Variants in THEM5 observed in about 807,000 individuals in gnomAD.
The protein encoded by THEM5 is acyl-coenzyme A thioesterase THEM5.
Under a neutral mutation model 24.2 loss-of-function variants are expected in THEM5, and 28 were observed. That is an observed-to-expected ratio of 1.16 (90% CI 0.86 to 1.59). THEM5 has a LOEUF of 1.59. THEM5 is among the 40% of genes most tolerant of loss of function. THEM5 has a pLI of 0.00. For synonymous variants in THEM5, 87 were observed against 114.5 expected (o/e 0.76, Z 1.53); for missense variants, 260 against 296.8 (o/e 0.88, Z 0.91).
At chr1:151,851,632 A>T (rs192620753) in intron 2 of THEM5, among the ~76,000 whole-genome samples, 1 of 152,258 alleles carries the variant, frequency 6.6e-6, no homozygotes, top group African/African-American at 2.4e-5. Context: ...TTGAAAAAAA[A>T]TTATGTTGGT....
In THEM5 at chr1:151,852,517, G is replaced by T. The variant is rs544060646; in HGVS notation, c.124-58C>A. 21 of 1,546,102 alleles carry T rather than the reference G, an allele frequency of 1.4e-5. No homozygotes were observed. In the South Asian group the frequency reaches 2.2e-4, roughly 16 times the overall value. On this transcript the variant is annotated intron_variant, in intron 1 of 5. Coordinates refer to ENST00000368817, the MANE Select transcript of THEM5 (RefSeq NM_182578.4). The stretch of plus-strand genomic sequence containing the variant: ...ATCCTGGAGGGGGGCTGCTGCCTGG[G>T]CTCGGGACCTCTAAACAGCTGTTCC...
chr1:151,853,619 A>G lies in THEM5; in HGVS notation c.-54T>C, dbSNP rs185055265. The G allele has an allele frequency of 6.0e-3, 9,220 of 1,541,832 alleles. 37 individuals carry two copies. Among genetic ancestry groups the G allele is most frequent in the Non-Finnish European group, 7.3e-3 (8,377 of 1,142,622 alleles). On this transcript the variant is annotated 5_prime_UTR_variant, in exon 1 of 6. Transcript: ENST00000368817. ...GGATGGAGGGTCTTGGCTGACTCCCAAGGAGTGCTTTCAGCTGCACTTGGG... is the reference window on the plus strand; with the variant it reads ...GGATGGAGGGTCTTGGCTGACTCCCGAGGAGTGCTTTCAGCTGCACTTGGG...
At chr1:151,851,555 A>G (rs1234644108) in intron 2 of THEM5, among the ~76,000 whole-genome samples, 1 of 151,848 alleles carries the variant, frequency 6.6e-6, no homozygotes, top group African/African-American at 2.4e-5. Context: ...AAGTCCATCA[A>G]AGTTCTGATT....
Position 151,848,280 on chromosome 1 carries a change from G to A in THEM5, c.477C>T (p.Gly159=), listed in dbSNP as rs764960198. The change falls in exon 4 of 6, where the codon GGC becomes GGT. Residue 159 remains glycine (G), a synonymous_variant. Transcript: ENST00000368817. ...CGTCCATCATGGCTGCCAGGGACCC[G>A]CCGTGAGCAAACCTGGGGGTGGGGT... The part of the protein sequence containing the change: ...YLEGPPGFAH[G]GSLAAMMDET... 13 of 1,613,822 alleles carry A rather than the reference G, an allele frequency of 8.1e-6. No individual in the cohort carries two copies. Among genetic ancestry groups the A allele is most frequent in the African/African-American group, 1.3e-5 (1 of 74,914 alleles).
chr1:151,853,360 G>A, intron 1 of THEM5, 83 bp downstream of exon 1: 1 of 1,505,374 alleles, frequency 6.6e-7, no homozygotes, highest in Non-Finnish European at 8.9e-7. Flanking sequence ...CTGGCCATGG[G>A]CTGGGAAGAG....
intron 5 of THEM5, 30 bp from the exon 6 acceptor site, chr1:151,847,444 G>C: frequency 6.2e-7 from 1 of 1,614,078 alleles, no homozygotes. Flanking sequence ...TGAGCTGCAA[G>C]AGCTGCACTG....
intron 4 of THEM5, 104 bp downstream of exon 4, chr1:151,848,078 G>T: frequency 1.4e-6 from 2 of 1,413,860 alleles, no homozygotes; most frequent in Non-Finnish European, 2.0e-6. Context: ...GCTGGGGAAG[G>T]AGAGTGGCAG....
At chr1:151,848,051 G>A (rs1558180151) in intron 4 of THEM5, 131 bp downstream of exon 4, 1 of 1,426,796 alleles carries the variant, frequency 7.0e-7, no homozygotes, top group South Asian at 1.3e-5. Flanking sequence ...GGGACTAGAG[G>A]AATTGCTTGG....
chr1:151,848,101 C>T (rs890370803), intron 4 of THEM5, 81 bp downstream of exon 4: 5 of 1,478,440 alleles, frequency 3.4e-6, no homozygotes, highest in East Asian at 2.3e-5. Context: ...AGGGCTCCTA[C>T]ACCCCAGCTG....
At position 151,847,925 on chromosome 1, in the gene THEM5, CTG is replaced by C. The variant is rs1242640950; in HGVS notation, c.576-65_576-64del. 5 of 1,605,738 alleles carry C rather than the reference CTG, an allele frequency of 3.1e-6. No homozygotes were observed. In the African/African-American group the frequency reaches 6.7e-5, roughly 21 times the overall value. On this transcript the variant is annotated intron_variant, in intron 4 of 5. Coordinates refer to ENST00000368817, the MANE Select transcript of THEM5 (RefSeq NM_182578.4). ...ACCCGGTTCCCCATCCCTTCACTCT[CTG>C]TGTCCTCTTCCCTCTCTTCATCCCT... is the stretch of plus-strand genomic sequence containing the variant.
chr1:151,847,433 T>C lies in THEM5; in HGVS notation c.701-19A>G, dbSNP rs761718338. The C allele has an allele frequency of 2.5e-6, 4 of 1,613,986 alleles. No individual in the cohort carries two copies. The highest frequency in any genetic ancestry group is 3.4e-6 in the Non-Finnish European group (4 of 1,179,958). Reference sequence around the variant, plus strand: ...AAAACACCTGCAAGAGAAGGGTGAGTTGAGCTGCAAGAGCTGCACTGAGAT... The same window carrying C: ...AAAACACCTGCAAGAGAAGGGTGAGCTGAGCTGCAAGAGCTGCACTGAGAT... On this transcript the variant is annotated intron_variant, in intron 5 of 5. Coordinates refer to ENST00000368817, the MANE Select transcript of THEM5 (RefSeq NM_182578.4).
intron 1 of THEM5, 102 bp downstream of exon 1, chr1:151,853,341 C>A: frequency 7.0e-7 from 1 of 1,430,766 alleles, no homozygotes; most frequent in South Asian, 1.5e-5. Flanking sequence ...CGAACACTGC[C>A]CACCTGCCCT....
intron 4 of THEM5, 88 bp downstream of exon 4, chr1:151,848,094 G>A: frequency 6.9e-7 from 1 of 1,447,776 alleles, no homozygotes; most frequent in Non-Finnish European, 9.6e-7. Context: ...GGCAGGCAGG[G>A]CTCCTACACC....
chr1:151,852,644 C>A (rs1331410556), intron 1 of THEM5, among the ~76,000 whole-genome samples, 185 bp from the exon 2 acceptor site: 1 of 151,198 alleles, frequency 6.6e-6, no homozygotes, highest in Non-Finnish European at 1.5e-5. Flanking sequence ...GGTGACGGGG[C>A]ATAAGGATGC....
rs368050120 is a variant in THEM5, at chr1:151,853,454, T to C, written c.112A>G (p.Thr38Ala). The C allele has an allele frequency of 3.7e-6, 6 of 1,613,680 alleles. No individual in the cohort carries two copies. The highest frequency in any genetic ancestry group is 3.3e-5 in the Admixed American group (2 of 59,962). ...LNPASAFGSS[T>A]DSMFSRFLPE... Reference sequence around the variant, plus strand: ...AGCTGGGAACTCACCATGGAGTCTGTGGAGGATCCAAATGCTGAGGCAGGG... The same window carrying C: ...AGCTGGGAACTCACCATGGAGTCTGCGGAGGATCCAAATGCTGAGGCAGGG... Residue 38 changes from threonine to alanine, a missense_variant, in exon 1 of 6, where the codon ACA (threonine) becomes GCA (alanine). Coordinates refer to ENST00000368817, the MANE Select transcript of THEM5 (RefSeq NM_182578.4).
Position 151,852,259 on chromosome 1 carries a change from T to G in THEM5, c.324A>C (p.Ser108=), listed in dbSNP as rs1430222334. The change falls in exon 2 of 6, where the codon TCA becomes TCC. Residue 108 remains serine, a splice_region_variant and synonymous_variant. Coordinates refer to ENST00000368817, the MANE Select transcript of THEM5 (RefSeq NM_182578.4). ...LKLPSGLAVS[S]DKGDCRIFTR... ...GTGTACTCATGGTCCTGTCCTTACCTGAGGAAACTGCCAGTCCAGATGGGA... is the reference window on the plus strand; with the variant it reads ...GTGTACTCATGGTCCTGTCCTTACCGGAGGAAACTGCCAGTCCAGATGGGA... The G allele has an allele frequency of 6.2e-7, 1 of 1,613,166 alleles. No individual in the cohort carries two copies. The highest frequency in any genetic ancestry group is 1.1e-5 in the South Asian group (1 of 91,026).
chr1:151,849,866 C>T (rs1324247519), intron 3 of THEM5, among the ~76,000 whole-genome samples: 1 of 152,176 alleles, frequency 6.6e-6, no homozygotes, highest in Non-Finnish European at 1.5e-5. Flanking sequence ...AATCTCTTCT[C>T]TAGACCCCCA....
At chr1:151,852,037 AAGGTGGG>A (rs1653143178) in intron 2 of THEM5, among the ~76,000 whole-genome samples, 1 of 152,094 alleles carries the variant, frequency 6.6e-6, no homozygotes, top group Admixed American at 6.5e-5. Context: ...GCTGGGAGCG[AAGGTGGG>A]CCCACCAGGG....
chr1:151,852,132 CA>C, intron 2 of THEM5, 125 bp downstream of exon 2: 2 of 905,898 alleles, frequency 2.2e-6, no homozygotes, highest in Admixed American at 2.0e-5. Context: ...GCTGCAGCAT[CA>C]GGGGTGGAGT....
Sources: allele counts gnomAD v4.1 joint callset (sites outside exome capture counted in the v4.1 genomes callset), GRCh38; gene constraint gnomAD v4.1.1; transcripts MANE v1.5; gene names NCBI Gene and HGNC (gene_info 2026-07-23, HGNC 2026-07-21).